The following FAT3 variants were observed in gnomAD, a reference collection of about 807,000 sequenced individuals.
FAT3 encodes protocadherin Fat 3.
Under a neutral mutation model 310.2 loss-of-function variants are expected in FAT3, and 95 were observed. That is an observed-to-expected ratio of 0.31 (90% CI 0.26 to 0.36). The LOEUF is 0.36. Ranked by LOEUF, FAT3 falls within the 10% of genes least tolerant of loss-of-function variation. FAT3 has a pLI of 1.00. For synonymous variants in FAT3, 2,314 were observed against 2,192.9 expected (o/e 1.06, Z -1.54); for missense variants, 5,408 against 5,715.6 (o/e 0.95, Z 1.74).
intron 1 of FAT3, among the ~76,000 whole-genome samples, chr11:92,259,902 T>C (rs1170241069): frequency 6.6e-6 from 1 of 152,120 alleles, no homozygotes; most frequent in Non-Finnish European, 1.5e-5. Flanking sequence ...CTAGATGGGA[T>C]GGAAAGCAGA....
chr11:92,771,745 A>G (rs765215817), intron 6 of FAT3, among the ~76,000 whole-genome samples: 3 of 148,584 alleles, frequency 2.0e-5, no homozygotes, highest in Non-Finnish European at 4.5e-5. Context: ...GAACACACAC[A>G]GGAAGAGAGA....
chr11:92,391,957 A>G (rs984969992), intron 2 of FAT3, among the ~76,000 whole-genome samples: 8 of 152,198 alleles, frequency 5.3e-5, no homozygotes, highest in African/African-American at 1.9e-4. Context: ...CAAGAGGTGC[A>G]CTACTGTCTG....
At chr11:92,773,662 C>T (rs1314415286) in intron 6 of FAT3, among the ~76,000 whole-genome samples, 4 of 151,974 alleles carry the variant, frequency 2.6e-5, no homozygotes, top group African/African-American at 9.7e-5. Flanking sequence ...TATTTATTTA[C>T]TTGGAATTTA....
intron 1 of FAT3, among the ~76,000 whole-genome samples, chr11:92,350,378 C>G (rs1948532145): frequency 6.7e-6 from 1 of 149,314 alleles, no homozygotes; most frequent in Admixed American, 6.6e-5. Flanking sequence ...CAGTTTGCAG[C>G]CAATAACTAG....
chr11:92,538,396 T>C (rs1291730416), intron 3 of FAT3, among the ~76,000 whole-genome samples: 1 of 152,092 alleles, frequency 6.6e-6, no homozygotes, highest in East Asian at 1.9e-4. Context: ...ATAGCTCAGG[T>C]TCCCTATCAA....
chr11:92,237,633 T>C (rs1176682056), intron 1 of FAT3, among the ~76,000 whole-genome samples: 1 of 152,106 alleles, frequency 6.6e-6, no homozygotes, highest in African/African-American at 2.4e-5. Flanking sequence ...TAGCCTTTGG[T>C]GTCACAGAAG....
chr11:92,818,566 A>G lies in FAT3; in HGVS notation c.9481+8490A>G, dbSNP rs150786623. On this transcript the variant is annotated intron_variant, in intron 13 of 27. Coordinates refer to ENST00000525166, the MANE Select transcript of FAT3 (RefSeq NM_001367949.2). Reference sequence around the variant, plus strand: ...TTCTCCAGACCCTGGAGATCAGGTCACAGGGATATCCCCAAATGTACCCAA... The same window carrying G: ...TTCTCCAGACCCTGGAGATCAGGTCGCAGGGATATCCCCAAATGTACCCAA... Among the ~76,000 whole-genome samples the G allele has an allele frequency of 1.6e-3, 242 of 152,304 alleles. 3 individuals carry two copies. Among genetic ancestry groups the G allele is most frequent in the African/African-American group, 5.4e-3 (224 of 41,568 alleles).
At chr11:92,243,821 G>A (rs1369875866) in intron 1 of FAT3, among the ~76,000 whole-genome samples, 1 of 151,994 alleles carries the variant, frequency 6.6e-6, no homozygotes, top group Non-Finnish European at 1.5e-5. Context: ...TTTGATTTGG[G>A]TATCATTTTT....
intron 2 of FAT3, among the ~76,000 whole-genome samples, chr11:92,435,465 T>C (rs1419966086): frequency 6.8e-6 from 1 of 147,502 alleles, no homozygotes; most frequent in African/African-American, 2.6e-5. Context: ...TTTTCTTTTA[T>C]TTATCCTTCC....
chr11:92,734,128 T>A (rs1001428138), intron 4 of FAT3, among the ~76,000 whole-genome samples: 1 of 152,182 alleles, frequency 6.6e-6, no homozygotes, highest in Admixed American at 6.5e-5. Context: ...TTCAGAGGAG[T>A]ACATTACTGG....
intron 1 of FAT3, among the ~76,000 whole-genome samples, chr11:92,239,143 A>C (rs1864560916): frequency 6.6e-6 from 1 of 152,096 alleles, no homozygotes. Context: ...GCCCAAGGTA[A>C]CATTGTTCAG....
chr11:92,279,662 C>G (rs1946370717), intron 1 of FAT3, among the ~76,000 whole-genome samples: 1 of 152,108 alleles, frequency 6.6e-6, no homozygotes. Flanking sequence ...CATTCATCAC[C>G]TTGAGTCTTT....
chr11:92,883,054 C>T lies in FAT3; in HGVS notation c.12598C>T (p.Leu4200=), dbSNP rs1949712011. The change falls in exon 24 of 28, where the codon CTG becomes TTG. Residue 4200 remains leucine, a synonymous_variant. Transcript: ENST00000525166. This position sits in a 1 kb window ranked among gnomAD's most constrained non-coding sequence, Gnocchi z 4.2. ...AGTGCAGGACCCGGCCACCGCCGCC[C>T]TGCTTAACAAGAGCAATGGCATCCC... The part of the protein sequence containing the change: ...TLVQDPATAA[L]LNKSNGIPFR... 2 of 1,613,966 alleles carry T rather than the reference C, an allele frequency of 1.2e-6. No individual in the cohort carries two copies. The highest frequency in any genetic ancestry group is 8.5e-7 in the Non-Finnish European group (1 of 1,179,912).
chr11:92,261,412 A>G (rs1405243755), intron 1 of FAT3, among the ~76,000 whole-genome samples: 3 of 152,130 alleles, frequency 2.0e-5, no homozygotes, highest in Non-Finnish European at 4.4e-5. Context: ...ATTCCCCACT[A>G]TACTTTGGGT....
intron 4 of FAT3, among the ~76,000 whole-genome samples, chr11:92,749,814 C>T (rs1945781659): frequency 1.3e-5 from 2 of 152,184 alleles, no homozygotes; most frequent in South Asian, 4.1e-4. Flanking sequence ...ACATTAAATT[C>T]CTACCCATAG....
intron 4 of FAT3, among the ~76,000 whole-genome samples, chr11:92,739,633 G>A (rs1460373179): frequency 6.6e-6 from 1 of 152,122 alleles, no homozygotes; most frequent in Non-Finnish European, 1.5e-5. Flanking sequence ...AAGCCAGAAG[G>A]AAAAGAAAGA....
intron 3 of FAT3, among the ~76,000 whole-genome samples, chr11:92,618,084 G>A (rs1342968610): frequency 6.6e-6 from 1 of 152,198 alleles, no homozygotes; most frequent in African/African-American, 2.4e-5. Flanking sequence ...CCCAGAGGTG[G>A]AGTCTGCAGA....
chr11:92,716,200 C>T (rs1420741258), intron 4 of FAT3, among the ~76,000 whole-genome samples: 2 of 152,038 alleles, frequency 1.3e-5, no homozygotes, highest in African/African-American at 4.8e-5. Flanking sequence ...GGGCAAAACT[C>T]AGTGATTGAA....
chr11:92,749,530 G>GT (rs1945771622), intron 4 of FAT3, among the ~76,000 whole-genome samples: 1 of 152,184 alleles, frequency 6.6e-6, no homozygotes, highest in Admixed American at 6.5e-5. Flanking sequence ...TTACTCTTGA[G>GT]TTCTCTTAAC....
Sources: gnomAD v4.1 joint callset for allele counts (sites outside exome capture counted in the v4.1 genomes callset) on GRCh38, gnomAD v4.1.1 for gene constraint, Gnocchi (gnomAD v3.1) non-coding constraint, MANE v1.5 for transcripts, NCBI Gene and HGNC (gene_info 2026-07-23, HGNC 2026-07-21) for gene names.